NRXN1: variants seen among roughly 807,000 people sequenced by gnomAD.
NRXN1 encodes the protein neurexin 1, also known as neurexin-1.
NRXN1 carries 39 observed loss-of-function variants against 150.9 expected under a neutral mutation model. The observed-to-expected ratio is 0.26, with a 90% confidence interval of 0.20 to 0.34. NRXN1 has a LOEUF of 0.34. Among genes scored for constraint, NRXN1 ranks in the 10% least tolerant of loss-of-function variants. The pLI, the probability that NRXN1 is intolerant of heterozygous loss-of-function variation, is 1.00. For missense variants in NRXN1, 1,815 were observed against 1,949.9 expected (o/e 0.93, Z 1.30); for synonymous variants, 924 against 757.0 (o/e 1.22, Z -3.62).
chr2:50,561,887 T>C (rs1669140652), intron 8 of NRXN1, among the ~76,000 whole-genome samples: 1 of 152,188 alleles, frequency 6.6e-6, no homozygotes, highest in Admixed American at 6.5e-5. Context: ...GAAGATACTT[T>C]CCGCATCAGT....
rs568372476 is a variant in NRXN1 at position 50,468,624 on chromosome 2, A to G, written c.3245-3063T>C. 5.9e-5 allele frequency among the ~76,000 whole-genome samples: 9 copies of G among 151,748 alleles called. No homozygotes were observed. The South Asian group carries it at 1.9e-3, about 31-fold the overall frequency. On this transcript the variant is annotated intron_variant, in intron 16 of 22. Transcript: ENST00000401669. ...AAAGGGAAAGAAAAATGAAGATAAA[A>G]CTACAATTTCCAGAAACAAAAGAAA...
rs112931328 is a variant in NRXN1, at chr2:50,168,357, T to C, written c.3546+68432A>G. Among the ~76,000 whole-genome samples, 174 of 152,184 alleles carry C rather than the reference T, an allele frequency of 1.1e-3. 1 individual carries two copies. Among genetic ancestry groups the C allele is most frequent in the African/African-American group, 3.9e-3 (162 of 41,448 alleles). On this transcript the variant is annotated intron_variant, in intron 18 of 22. Coordinates refer to ENST00000401669, the MANE Select transcript of NRXN1 (RefSeq NM_001330078.2). Reference sequence around the variant, plus strand: ...GGAATTACAGACACAAAGTTGGAAATAAACCATACTGAAGATAGCATTATA... The same window carrying C: ...GGAATTACAGACACAAAGTTGGAAACAAACCATACTGAAGATAGCATTATA...
At position 50,132,370 on chromosome 2, in the gene NRXN1, A is replaced by G. The variant is rs564039727; in HGVS notation, c.3547-40876T>C. ...GCCCAGGCTGGAGTGCAGTGGCACA[A>G]TCTTGGCTCACTGCAACCTCCGCCT... On this transcript the variant is annotated intron_variant, in intron 18 of 22. Coordinates refer to ENST00000401669, the MANE Select transcript of NRXN1 (RefSeq NM_001330078.2). Among the ~76,000 whole-genome samples, 6 of 150,372 alleles carry G rather than the reference A, an allele frequency of 4.0e-5. No homozygotes were observed. The South Asian group carries it at 1.3e-3, about 32-fold the overall frequency.
intron 21 of NRXN1, among the ~76,000 whole-genome samples, chr2:49,959,678 G>A (rs1387359183): frequency 6.6e-6 from 1 of 152,196 alleles, no homozygotes; most frequent in Non-Finnish European, 1.5e-5. Context: ...GCCAATCTAT[G>A]CAGTAGTTGT....
At chr2:50,458,561 T>G (rs2087825573) in intron 17 of NRXN1, among the ~76,000 whole-genome samples, 1 of 151,212 alleles carries the variant, frequency 6.6e-6, no homozygotes, top group Admixed American at 6.6e-5. Flanking sequence ...CCTAAATATG[T>G]ACAACTATCA....
At chr2:50,153,082 C>T (rs1344141667) in intron 18 of NRXN1, among the ~76,000 whole-genome samples, 1 of 151,658 alleles carries the variant, frequency 6.6e-6, no homozygotes, top group Non-Finnish European at 1.5e-5. Flanking sequence ...TATCTTCAAG[C>T]TCAGTAGTTC....
intron 18 of NRXN1, among the ~76,000 whole-genome samples, chr2:50,091,929 A>G (rs940672781): frequency 1.3e-5 from 2 of 152,192 alleles, no homozygotes; most frequent in African/African-American, 4.8e-5. Flanking sequence ...AATACTCACA[A>G]TAGGGGAAAT....
At chr2:50,053,104 C>A (rs1284840246) in intron 21 of NRXN1, among the ~76,000 whole-genome samples, 167 bp downstream of exon 21, 1 of 152,138 alleles carries the variant, frequency 6.6e-6, no homozygotes, top group Non-Finnish European at 1.5e-5. Flanking sequence ...ACAACATACA[C>A]ACATTTCATA....
intron 17 of NRXN1, among the ~76,000 whole-genome samples, chr2:50,410,875 G>A (rs2083100739): frequency 6.6e-6 from 1 of 152,146 alleles, no homozygotes. Context: ...AAAAGAGAAG[G>A]AGGCAAGTTC....
At chr2:50,401,182 T>C (rs1407154879) in intron 17 of NRXN1, among the ~76,000 whole-genome samples, 1 of 152,200 alleles carries the variant, frequency 6.6e-6, no homozygotes, top group Admixed American at 6.5e-5. Flanking sequence ...AGGTTCCTCA[T>C]TCACACTCAA....
chr2:50,874,222 A>C (rs2106114430), intron 5 of NRXN1, among the ~76,000 whole-genome samples: 1 of 151,990 alleles, frequency 6.6e-6, no homozygotes. Context: ...CACTTATCCA[A>C]CTTTTCTTAC....
chr2:50,825,887 G>T (rs1670381296), intron 5 of NRXN1, among the ~76,000 whole-genome samples: 1 of 152,210 alleles, frequency 6.6e-6, no homozygotes, highest in African/African-American at 2.4e-5. Flanking sequence ...CTTGGCAGGT[G>T]TCTGTTGGAG....
At chr2:50,551,130 G>T (rs1442013740) in intron 9 of NRXN1, 1 of 129,668 alleles carries the variant, frequency 7.7e-6, no homozygotes, top group Non-Finnish European at 1.6e-5. Flanking sequence ...GGGGGAGGGG[G>T]AGGAAGAAAA....
At chr2:50,385,427 T>C (rs1278025578) in intron 17 of NRXN1, among the ~76,000 whole-genome samples, 1 of 152,174 alleles carries the variant, frequency 6.6e-6, no homozygotes, top group Non-Finnish European at 1.5e-5. Flanking sequence ...CCAGAAAGCA[T>C]TTGAAAGCAG....
intron 21 of NRXN1, among the ~76,000 whole-genome samples, chr2:49,987,203 A>T (rs1681073375): frequency 6.6e-6 from 1 of 152,082 alleles, no homozygotes; most frequent in South Asian, 2.1e-4. Context: ...CCAGCCTACA[A>T]TTCTGCTCTC....
intron 5 of NRXN1, among the ~76,000 whole-genome samples, chr2:50,914,092 C>CT (rs1037602607): frequency 1.3e-5 from 2 of 151,650 alleles, no homozygotes; most frequent in Non-Finnish European, 2.9e-5. Context: ...ACTGTTGATG[C>CT]TTTTTAATTC....
chr2:50,931,240 C>G (rs1378956736), intron 2 of NRXN1, among the ~76,000 whole-genome samples: 1 of 151,856 alleles, frequency 6.6e-6, no homozygotes, highest in African/African-American at 2.4e-5. Context: ...TTTTTTTCAT[C>G]TTACTACAGA....
intron 5 of NRXN1, among the ~76,000 whole-genome samples, chr2:50,770,578 G>C (rs1268719470): frequency 6.6e-6 from 1 of 151,982 alleles, no homozygotes; most frequent in African/African-American, 2.4e-5. Flanking sequence ...ATCATAATTT[G>C]CTGGAGCATA....
intron 16 of NRXN1, among the ~76,000 whole-genome samples, chr2:50,469,682 T>C (rs1440705744): frequency 1.3e-5 from 2 of 150,930 alleles, no homozygotes; most frequent in African/African-American, 4.9e-5. Flanking sequence ...TCAGAAATAA[T>C]AGTAAATTAA....
Sources: gnomAD v4.1 joint callset for allele counts (sites outside exome capture counted in the v4.1 genomes callset) on GRCh38, gnomAD v4.1.1 for gene constraint, MANE v1.5 for transcripts, NCBI Gene and HGNC (gene_info 2026-07-23, HGNC 2026-07-21) for gene names.